ECPAS: variants seen among roughly 807,000 people sequenced by gnomAD.
ECPAS encodes the protein proteasome adapter and scaffold protein ECM29.
Under a neutral mutation model 255.1 loss-of-function variants are expected in ECPAS, and 70 were observed. The observed-to-expected ratio is 0.27, with a 90% CI of 0.23 to 0.33. The LOEUF (loss-of-function observed/expected upper bound fraction) is 0.33, where lower values mean the gene tolerates loss of function less well. ECPAS is among the 10% of genes least tolerant of loss of function. ECPAS has a pLI of 1.00. For missense variants in ECPAS, 1,817 were observed against 2,206.4 expected (o/e 0.82, Z 3.54); for synonymous variants, 784 against 775.0 (o/e 1.01, Z -0.19).
At chr9:111,386,116 A>G (rs2098147995) in intron 32 of ECPAS, among the ~76,000 whole-genome samples, 3 of 151,668 alleles carry the variant, frequency 2.0e-5, no homozygotes. Flanking sequence ...TGCACATGCC[A>G]CTGGGCCCAG....
intron 31 of ECPAS, 32 bp from the exon 32 acceptor site, chr9:111,386,488 G>A (rs1437505936): frequency 1.6e-6 from 2 of 1,276,818 alleles, no homozygotes; most frequent in Non-Finnish European, 2.3e-6. Context: ...AATTTAAAAT[G>A]CAAAATCCAT....
chr9:111,390,067 G>T lies in ECPAS; in HGVS notation c.3196C>A (p.Leu1066Met). 6.3e-7 allele frequency: 1 copy of T among 1,596,378 alleles called. No individual in the cohort carries two copies. Among genetic ancestry groups the T allele is most frequent in the Non-Finnish European group, 8.6e-7 (1 of 1,167,544 alleles). ...GLSTYKELCS[L>M]ASDLSQPDLV... ...TCTGGCTGGCTAAGATCACTTGCCA[G>T]AGAACAAAGTTCCTTGTAAGTAGAA... Residue 1066 changes from leucine (L) to methionine (M), a missense_variant, in exon 30 of 50, where the codon CTG (leucine) becomes ATG (methionine). Leu to Met is a conservative substitution (Grantham distance 15). Coordinates refer to ENST00000684092, the MANE Select transcript of ECPAS (RefSeq NM_001364929.1).
Position 111,414,002 on chromosome 9 carries a change from G to A in ECPAS, c.1988-16C>T. The A allele has an allele frequency of 6.6e-7, 1 of 1,522,078 alleles. No homozygotes were observed. The highest frequency in any genetic ancestry group is 8.9e-7 in the Non-Finnish European group (1 of 1,120,510). The allele number at this position is 1,522,078 out of a possible 1,614,324, so 94.3% of individuals were successfully genotyped here. A position where few individuals can be genotyped will look rare whatever the true frequency, so the allele number is the denominator to read the frequency against. On this transcript the variant is annotated splice_polypyrimidine_tract_variant and intron_variant, in intron 19 of 49. Coordinates refer to ENST00000684092, the MANE Select transcript of ECPAS (RefSeq NM_001364929.1). ...ACCGGCAAACCTAAATAAGAATTCA[G>A]AATCACCTTAAATTTCAAGAAAAGT... is the stretch of plus-strand genomic sequence containing the variant.
intron 4 of ECPAS, 120 bp downstream of exon 4, chr9:111,444,258 G>T: frequency 1.7e-6 from 1 of 592,404 alleles, no homozygotes; most frequent in Non-Finnish European, 2.9e-6. Context: ...AAAAACTCAT[G>T]TTTCATTTAG....
At chr9:111,393,998 T>A (rs539645990) in intron 26 of ECPAS, among the ~76,000 whole-genome samples, 162 bp downstream of exon 26, 1 of 152,354 alleles carries the variant, frequency 6.6e-6, no homozygotes, top group East Asian at 1.9e-4. Flanking sequence ...GCTAGAATCA[T>A]CTTCCAGCCT....
Position 111,408,557 on chromosome 9 carries a change from A to G in ECPAS, c.2652+14T>C. On this transcript the variant is annotated intron_variant, in intron 24 of 49. Coordinates refer to ENST00000684092, the MANE Select transcript of ECPAS (RefSeq NM_001364929.1). The stretch of plus-strand genomic sequence containing the variant: ...TTCTCTGAATAACTAACAATCAGGT[A>G]GCAATATAAATACCTCCACAGAATC... 1 of 1,414,936 alleles carries G rather than the reference A, an allele frequency of 7.1e-7. No individual in the cohort carries two copies. The allele number at this position is 1,414,936 out of a possible 1,614,324, so 87.6% of individuals were successfully genotyped here. A position where few individuals can be genotyped will look rare whatever the true frequency, so the allele number is the denominator to read the frequency against.
chr9:111,393,897 C>G (rs1243862922), intron 26 of ECPAS, among the ~76,000 whole-genome samples, 163 bp from the exon 27 acceptor site: 1 of 152,206 alleles, frequency 6.6e-6, no homozygotes, highest in Non-Finnish European at 1.5e-5. Context: ...CCTGGAGCTG[C>G]ACCACTTACA....
intron 2 of ECPAS, among the ~76,000 whole-genome samples, chr9:111,465,759 T>C (rs745692028): frequency 1.3e-5 from 2 of 151,830 alleles, no homozygotes; most frequent in Non-Finnish European, 2.9e-5. Context: ...GGCCAGCATA[T>C]GCAGTGGCTC....
rs1332017850 is a variant in ECPAS, at chr9:111,371,721, G to A, written c.4637C>T (p.Ala1546Val). The A allele has an allele frequency of 2.5e-6, 4 of 1,613,480 alleles. No individual in the cohort carries two copies. In the South Asian group the frequency reaches 3.3e-5, roughly 13 times the overall value. Residue 1546 changes from alanine to valine, a missense_variant, in exon 43 of 50, where the codon GCA becomes GTA. Physicochemically the swap from Ala to Val is moderately conservative, Grantham distance 64. Coordinates refer to ENST00000684092, the MANE Select transcript of ECPAS (RefSeq NM_001364929.1). ...KMKAQGAIAM[A>V]SIAKQTSSLV... ...AGAGCTAGTCTGTTTTGCAATTGATGCCATGGCAATTGCACCCTGGGCTTT... is the reference window on the plus strand; with the variant it reads ...AGAGCTAGTCTGTTTTGCAATTGATACCATGGCAATTGCACCCTGGGCTTT...
chr9:111,414,535 T>C lies in ECPAS; in HGVS notation c.1881A>G (p.Leu627=). The change falls in exon 19 of 50, where the codon TTA becomes TTG. Residue 627 remains leucine, a synonymous_variant. Transcript: ENST00000684092. The part of the protein sequence containing the change: ...APAIGRYIRT[L]MSSGQMAPSS... ...AGGGTGCCATCTGCCCGCTTGACATTAAAGTCCGTATGTAGCGCCCAATGG... is the reference window on the plus strand; with the variant it reads ...AGGGTGCCATCTGCCCGCTTGACATCAAAGTCCGTATGTAGCGCCCAATGG... 6.2e-7 allele frequency: 1 copy of C among 1,613,986 alleles called. No individual in the cohort carries two copies. Among genetic ancestry groups the C allele is most frequent in the Non-Finnish European group, 8.5e-7 (1 of 1,179,864 alleles).
At position 111,372,524 on chromosome 9, in the gene ECPAS, A is replaced by C; in HGVS notation, c.4433T>G (p.Leu1478Arg). 6.2e-7 allele frequency: 1 copy of C among 1,613,888 alleles called. No individual in the cohort carries two copies. Among genetic ancestry groups the C allele is most frequent in the Non-Finnish European group, 8.5e-7 (1 of 1,179,802 alleles). The change falls in exon 42 of 50, where the codon CTG (leucine) becomes CGG (arginine). Residue 1478 changes from leucine (L) to arginine (R), a missense_variant. Leu to Arg is a moderately radical substitution (Grantham distance 102, BLOSUM62 -2). Coordinates refer to ENST00000684092, the MANE Select transcript of ECPAS (RefSeq NM_001364929.1). Reference sequence around the variant, plus strand: ...AATTTCATGCATGCCTAAAAATGCCAGAGGCAGGACTTCTTTTGCATGATT... The same window carrying C: ...AATTTCATGCATGCCTAAAAATGCCCGAGGCAGGACTTCTTTTGCATGATT... ...LKNHAKEVLP[L>R]AFLGMHEIAD...
At chr9:111,452,551 G>A (rs1004594727) in intron 2 of ECPAS, among the ~76,000 whole-genome samples, 1 of 152,176 alleles carries the variant, frequency 6.6e-6, no homozygotes, top group Non-Finnish European at 1.5e-5. Flanking sequence ...GGTTATGTAA[G>A]TAAAACCAAA....
chr9:111,405,372 T>C (rs757762068), intron 24 of ECPAS, among the ~76,000 whole-genome samples: 12 of 149,714 alleles, frequency 8.0e-5, no homozygotes, highest in Non-Finnish European at 1.8e-4. Context: ...TGTAGAATAA[T>C]GAAACTGGGC....
chr9:111,386,034 A>G (rs1354584268), intron 32 of ECPAS, among the ~76,000 whole-genome samples: 4 of 152,226 alleles, frequency 2.6e-5, no homozygotes, highest in African/African-American at 9.6e-5. Flanking sequence ...ATCTCGGCTC[A>G]CTGCAACCTC....
chr9:111,400,788 A>G (rs1055978177), intron 24 of ECPAS, among the ~76,000 whole-genome samples: 1 of 152,244 alleles, frequency 6.6e-6, no homozygotes, highest in African/African-American at 2.4e-5. Flanking sequence ...AACAGCTTCA[A>G]AGAGGCTAAG....
chr9:111,429,879 C>A (rs1366665435), intron 9 of ECPAS, among the ~76,000 whole-genome samples: 2 of 152,080 alleles, frequency 1.3e-5, no homozygotes, highest in African/African-American at 2.4e-5. Flanking sequence ...AACAAATAAT[C>A]CTTGTATATC....
At chr9:111,422,309 A>G in intron 13 of ECPAS, 109 bp from the exon 14 acceptor site, 1 of 1,193,718 alleles carries the variant, frequency 8.4e-7, no homozygotes, top group Non-Finnish European at 1.2e-6. Context: ...AGACAATGTC[A>G]GCATCATTAC....
intron 27 of ECPAS, among the ~76,000 whole-genome samples, chr9:111,393,413 G>A (rs926968063): frequency 6.6e-6 from 1 of 152,230 alleles, no homozygotes; most frequent in East Asian, 1.9e-4. Context: ...GAAGGCCTCG[G>A]CTCCATTTTA....
In ECPAS at chr9:111,370,261, T is replaced by C. The variant is rs964484; in HGVS notation, c.4974+174A>G. 7.9e-5 allele frequency among the ~76,000 whole-genome samples: 12 copies of C among 152,358 alleles called. 1 individual carries two copies. Among genetic ancestry groups the C allele is most frequent in the African/African-American group, 2.9e-4 (12 of 41,578 alleles). On this transcript the variant is annotated intron_variant, in intron 45 of 49. Transcript: ENST00000684092. Reference sequence around the variant, plus strand: ...GGAATACCTGAACACTTTGTGATGCTCCCAACGCTTTGTGAGAAACATAGC... The same window carrying C: ...GGAATACCTGAACACTTTGTGATGCCCCCAACGCTTTGTGAGAAACATAGC...
Sources: allele counts gnomAD v4.1 joint callset (sites outside exome capture counted in the v4.1 genomes callset), GRCh38; gene constraint gnomAD v4.1.1; transcripts MANE v1.5; gene names NCBI Gene and HGNC (gene_info 2026-07-23, HGNC 2026-07-21).